Variants in BRCA1 observed in about 807,000 individuals in gnomAD.
BRCA1 encodes the protein breast cancer type 1 susceptibility protein.
BRCA1 carries 140 observed loss-of-function variants against 173.7 expected under a neutral mutation model. The ratio of observed to expected loss-of-function variants is 0.81; its 90% confidence interval spans 0.70 to 0.93. The LOEUF is 0.93. BRCA1 is among the 40% of genes least tolerant of loss of function. The pLI is 0.00. For synonymous variants in BRCA1, 662 were observed against 756.0 expected, an observed-to-expected ratio of 0.88 and a Z score of 2.04; for missense variants, 1,983 against 2,172.5, an observed-to-expected ratio of 0.91 and a Z score of 1.73.
At chr17:43,051,147 G>A (rs2153090602) in intron 19 of BRCA1, 30 bp from the exon 20 acceptor site, 4 of 1,593,308 alleles carry the variant, frequency 2.5e-6, no homozygotes, top group Non-Finnish European at 3.4e-6. Flanking sequence ...GAGAGGGACA[G>A]GGGAATGGAG....
intron 1 of BRCA1, chr17:43,145,010 A>C: frequency 1.5e-6 from 1 of 687,354 alleles, no homozygotes; most frequent in Non-Finnish European, 2.8e-6. Flanking sequence ...AGAGCCCAAG[A>C]GGAGATCAGC....
intron 11 of BRCA1, among the ~76,000 whole-genome samples, chr17:43,084,603 T>C (rs1416012873): frequency 6.6e-6 from 1 of 152,204 alleles, no homozygotes; most frequent in Non-Finnish European, 1.5e-5. Context: ...CTTTGCCCTT[T>C]ACTAAAAACA....
intron 19 of BRCA1, among the ~76,000 whole-genome samples, chr17:43,052,715 C>A (rs2051290797): frequency 6.7e-6 from 1 of 149,994 alleles, no homozygotes; most frequent in African/African-American, 2.5e-5. Flanking sequence ...AATCAGGAAG[C>A]TAAAAATACA....
At chr17:43,156,255 A>G (rs1057192945) in intron 1 of BRCA1, among the ~76,000 whole-genome samples, 1 of 151,926 alleles carries the variant, frequency 6.6e-6, no homozygotes, top group Non-Finnish European at 1.5e-5. Context: ...AAAAAAAAAA[A>G]GAATCATAAG....
At chr17:43,050,954 G>A (rs1337755822) in intron 20 of BRCA1, 109 bp downstream of exon 20, 6 of 1,111,398 alleles carry the variant, frequency 5.4e-6, no homozygotes, top group Non-Finnish European at 8.2e-6. Context: ...ATAGCCTCTA[G>A]AACATTTCAG....
chr17:43,083,413 C>G (rs2053106540), intron 11 of BRCA1, among the ~76,000 whole-genome samples: 1 of 152,174 alleles, frequency 6.6e-6, no homozygotes, highest in Non-Finnish European at 1.5e-5. Context: ...GCCTCGGCCT[C>G]CCAAAGTGCT....
chr17:43,072,011 A>G (rs1314620195), intron 14 of BRCA1, among the ~76,000 whole-genome samples: 2 of 151,640 alleles, frequency 1.3e-5, no homozygotes, highest in African/African-American at 2.4e-5. Context: ...CCGTCTCAAA[A>G]AAATAAATAA....
At chr17:43,140,894 C>A (rs868415767) in intron 1 of BRCA1, among the ~76,000 whole-genome samples, 3 of 152,346 alleles carry the variant, frequency 2.0e-5, no homozygotes, top group African/African-American at 7.2e-5. Flanking sequence ...TCATGTTTGC[C>A]CTAATCAGAC....
chr17:43,090,186 T>C (rs1020766874), intron 11 of BRCA1, among the ~76,000 whole-genome samples: 3 of 152,156 alleles, frequency 2.0e-5, no homozygotes, highest in African/African-American at 7.2e-5. Context: ...GGCAATAATA[T>C]TGGTGAGAGT....
At chr17:43,107,582 T>A (rs1293885537) in intron 3 of BRCA1, among the ~76,000 whole-genome samples, 1 of 151,994 alleles carries the variant, frequency 6.6e-6, no homozygotes, top group African/African-American at 2.4e-5. Flanking sequence ...TGTTGGCTAG[T>A]CTTGAACTCC....
intron 1 of BRCA1, chr17:43,163,107 G>A (rs1449853716): frequency 6.6e-6 from 1 of 152,196 alleles, no homozygotes; most frequent in Non-Finnish European, 1.5e-5. Context: ...ACAGCATGGG[G>A]GGCCTTTATA....
At chr17:43,076,453 A>G (rs767008841) in intron 13 of BRCA1, 35 bp downstream of exon 13, 1 of 1,610,082 alleles carries the variant, frequency 6.2e-7, no homozygotes, top group Admixed American at 1.7e-5. Context: ...TAAAGATGTC[A>G]GATACCACAG....
At chr17:43,098,299 T>C (rs1185395616) in intron 7 of BRCA1, among the ~76,000 whole-genome samples, 2 of 152,012 alleles carry the variant, frequency 1.3e-5, no homozygotes, top group East Asian at 3.9e-4. Flanking sequence ...ATTACAGATG[T>C]GAGCTACTAT....
chr17:43,123,198 C>T (rs1455004564), intron 2 of BRCA1, among the ~76,000 whole-genome samples: 1 of 151,830 alleles, frequency 6.6e-6, no homozygotes, highest in Non-Finnish European at 1.5e-5. Flanking sequence ...CACCACTGCA[C>T]TCCAGCCTCT....
At chr17:43,115,538 A>C (rs1006868182) in intron 3 of BRCA1, among the ~76,000 whole-genome samples, 188 bp downstream of exon 3, 2 of 151,962 alleles carry the variant, frequency 1.3e-5, no homozygotes, top group Admixed American at 6.6e-5. Context: ...TCAAAACTTT[A>C]CCAGGAACTA....
intron 1 of BRCA1, among the ~76,000 whole-genome samples, chr17:43,147,251 A>G (rs2056129585): frequency 6.6e-6 from 1 of 151,814 alleles, no homozygotes; most frequent in Non-Finnish European, 1.5e-5. Context: ...GTGCAGTGGC[A>G]CGATCTCGGC....
At chr17:43,046,511 C>T (rs2152697902) in intron 22 of BRCA1, among the ~76,000 whole-genome samples, 1 of 152,036 alleles carries the variant, frequency 6.6e-6, no homozygotes, top group Admixed American at 6.5e-5. Flanking sequence ...GATTCTCCTG[C>T]CTCAGTCTCC....
intron 1 of BRCA1, chr17:43,145,390 G>C (rs1449428770): frequency 5.1e-6 from 2 of 391,260 alleles, no homozygotes; most frequent in African/African-American, 2.1e-5. Flanking sequence ...GCAGTGGTGC[G>C]ATCTCGGCTC....
chr17:43,063,970 T>A lies in BRCA1; in HGVS notation c.5075-19A>T, dbSNP rs1555578694. The A allele has an allele frequency of 6.2e-7, 1 of 1,611,842 alleles. No individual in the cohort carries two copies. The highest frequency in any genetic ancestry group is 8.5e-7 in the Non-Finnish European group (1 of 1,178,062). On this transcript the variant is annotated intron_variant, in intron 16 of 22. Transcript: ENST00000357654. ...TCAGCATCTGCAGAATGAAAAACAC[T>A]CAAAGGATTAGAAGTTGAAAACAAA... is the stretch of plus-strand genomic sequence containing the variant.
Sources: allele counts gnomAD v4.1 joint callset (sites outside exome capture counted in the v4.1 genomes callset), GRCh38; gene constraint gnomAD v4.1.1; transcripts MANE v1.5; gene names NCBI Gene and HGNC (gene_info 2026-07-23, HGNC 2026-07-21).